PHKA1: variants seen among roughly 807,000 people sequenced by gnomAD.
The protein encoded by PHKA1 is phosphorylase b kinase regulatory subunit alpha, skeletal muscle isoform.
Under a neutral mutation model 110.2 loss-of-function variants are expected in PHKA1, and 60 were observed. That is an observed-to-expected ratio of 0.54 (90% CI 0.44 to 0.68). PHKA1 has a LOEUF of 0.68. Ranked by LOEUF, PHKA1 falls within the 30% of genes least tolerant of loss-of-function variation. PHKA1 has a pLI of 0.00. For synonymous variants in PHKA1, 316 were observed against 333.6 expected (o/e 0.95, Z 0.58); for missense variants, 801 against 942.5 (o/e 0.85, Z 1.97).
At position 72,666,380 on chromosome X, in the gene PHKA1, C is replaced by A. The variant is rs1447058795; in HGVS notation, c.718-83G>T. 1.7e-5 allele frequency: 14 copies of A among 820,236 alleles called. No individual in the cohort carries two copies. The African/African-American group carries it at 2.2e-4, about 13-fold the overall frequency. 67.6% of individuals were successfully genotyped at this position (820,236 alleles called of 1,213,427 possible). A position where few individuals can be genotyped will look rare whatever the true frequency, so the allele number is the denominator to read the frequency against. On this transcript the variant is annotated intron_variant, in intron 7 of 31. Transcript: ENST00000373542. ...AATATCTTATCAACACACATGATAT[C>A]ACTTTTGAATATGTTTGACAAAATA...
intron 13 of PHKA1, among the ~76,000 whole-genome samples, chrX:72,647,079 C>A (rs961539409): frequency 2.8e-4 from 31 of 108,794 alleles, no homozygotes; most frequent in Non-Finnish European, 4.6e-4. Context: ...TTGCAGTGAG[C>A]TGAGATTGCG....
intron 8 of PHKA1, 95 bp downstream of exon 8, chrX:72,666,056 A>G (rs782352235): frequency 2.2e-4 from 191 of 861,006 alleles, no homozygotes; most frequent in Non-Finnish European, 3.1e-4. Flanking sequence ...AGGTTTCTTG[A>G]AATCACAGAC....
At chrX:72,600,360 T>C (rs1319983508) in intron 28 of PHKA1, among the ~76,000 whole-genome samples, 4 of 111,489 alleles carry the variant, frequency 3.6e-5, no homozygotes, top group African/African-American at 1.3e-4. Flanking sequence ...TGTAAATATA[T>C]AATGAACTTA....
intron 14 of PHKA1, among the ~76,000 whole-genome samples, chrX:72,641,812 T>A (rs782378387): frequency 8.9e-6 from 1 of 111,833 alleles, no homozygotes; most frequent in South Asian, 3.7e-4. Context: ...GAATTTTGAA[T>A]AGTCACTCAT....
Position 72,646,387 on chromosome X carries a change from C to T in PHKA1, c.1325-1891G>A, listed in dbSNP as rs781807319. ...TATTTAGAAAATTCTTATTTAGTGC[C>T]TCTTATGTGCTAGGCACTGCCATAT... On this transcript the variant is annotated intron_variant, in intron 13 of 31. Coordinates refer to ENST00000373542, the MANE Select transcript of PHKA1 (RefSeq NM_002637.4). Among the ~76,000 whole-genome samples, 4 of 111,477 alleles carry T rather than the reference C, an allele frequency of 3.6e-5. No homozygotes were observed. In the South Asian group the frequency reaches 1.5e-3, roughly 43 times the overall value.
chrX:72,579,247 A>T lies in PHKA1; in HGVS notation c.*1755T>A, dbSNP rs1556196481. On this transcript the variant is annotated 3_prime_UTR_variant, in exon 32 of 32. Transcript: ENST00000373542. ...TTACTGTGTGTTTCCATTTGCTCTGAGAGAAGTGCTGAAAAGGTTTGCTGT... is the reference window on the plus strand; with the variant it reads ...TTACTGTGTGTTTCCATTTGCTCTGTGAGAAGTGCTGAAAAGGTTTGCTGT... 8.9e-6 allele frequency: 1 copy of T among 112,281 alleles called. No individual in the cohort carries two copies. Among genetic ancestry groups the T allele is most frequent in the Admixed American group, 9.4e-5 (1 of 10,622 alleles). The allele number at this position is 112,281 out of a possible 1,213,427, so 9.3% of individuals were successfully genotyped here.
At chrX:72,643,065 T>A (rs886448701) in intron 14 of PHKA1, among the ~76,000 whole-genome samples, 66 of 111,002 alleles carry the variant, frequency 5.9e-4, no homozygotes, top group African/African-American at 2.0e-3. Context: ...CAGACAAAAG[T>A]CAGCTCTGAC....
intron 7 of PHKA1, 144 bp from the exon 8 acceptor site, chrX:72,666,441 G>C: frequency 2.0e-6 from 1 of 506,704 alleles, no homozygotes; most frequent in Admixed American, 3.4e-5. Flanking sequence ...AAGTAGGTTA[G>C]TAAATACCTT....
chrX:72,585,290 A>C (rs1176740843), intron 29 of PHKA1, among the ~76,000 whole-genome samples: 4 of 111,631 alleles, frequency 3.6e-5, no homozygotes, highest in African/African-American at 1.3e-4. Context: ...ACAGCTATAA[A>C]ATTTTTTTAA....
intron 5 of PHKA1, among the ~76,000 whole-genome samples, chrX:72,680,026 T>G (rs2053827545): frequency 9.1e-6 from 1 of 110,407 alleles, no homozygotes; most frequent in African/African-American, 3.3e-5. Context: ...TTTTTTTTTT[T>G]TTGAGACAGA....
intron 26 of PHKA1, among the ~76,000 whole-genome samples, chrX:72,602,807 A>G (rs1039726197): frequency 2.7e-5 from 3 of 112,242 alleles, no homozygotes; most frequent in Admixed American, 9.5e-5. Context: ...TGCCAATTAG[A>G]ATACAAGAAA....
chrX:72,663,426 A>G (rs2053583408), intron 8 of PHKA1, among the ~76,000 whole-genome samples: 1 of 111,329 alleles, frequency 9.0e-6, no homozygotes, highest in South Asian at 3.7e-4. Flanking sequence ...TTAGAAAGAC[A>G]AGAGATGGGA....
intron 2 of PHKA1, among the ~76,000 whole-genome samples, chrX:72,710,825 ATTTTTTAT>A (rs1213872412): frequency 1.9e-5 from 1 of 53,716 alleles, no homozygotes; most frequent in Non-Finnish European, 3.8e-5. Context: ...TTTATTTTTT[ATTTTTTAT>A]TTTTTTATTT....
chrX:72,592,285 A>C (rs941745399), intron 29 of PHKA1, among the ~76,000 whole-genome samples: 1 of 112,627 alleles, frequency 8.9e-6, no homozygotes, highest in South Asian at 3.7e-4. Flanking sequence ...TACCTTTCCA[A>C]AAGATCACCT....
chrX:72,595,110 T>G (rs1556232196), intron 28 of PHKA1, among the ~76,000 whole-genome samples: 1 of 111,932 alleles, frequency 8.9e-6, no homozygotes, highest in African/African-American at 3.2e-5. Context: ...GTGGGACTGA[T>G]TCCAGAAATT....
At chrX:72,624,321 C>A (rs1293912233) in intron 17 of PHKA1, among the ~76,000 whole-genome samples, 1 of 111,617 alleles carries the variant, frequency 9.0e-6, no homozygotes, top group African/African-American at 3.3e-5. Flanking sequence ...AGTTCTACAC[C>A]TCCCTCAGTT....
At position 72,584,322 on chromosome X, in the gene PHKA1, C is replaced by A. The variant is rs1603249583; in HGVS notation, c.3244-20G>T. On this transcript the variant is annotated intron_variant, in intron 29 of 31. Coordinates refer to ENST00000373542, the MANE Select transcript of PHKA1 (RefSeq NM_002637.4). ...GTGACACTGCAAAACAGAAAAAAAA[C>A]CATATCACCAAAAACCATATCACCA... 1.7e-6 allele frequency: 2 copies of A among 1,190,021 alleles called. No individual in the cohort carries two copies. Among genetic ancestry groups the A allele is most frequent in the South Asian group, 3.6e-5 (2 of 56,209 alleles).
rs782099054 is a variant in PHKA1 at position 72,582,565 on chromosome X, C to T, written c.3331G>A (p.Val1111Met). Residue 1111 changes from valine to methionine, a missense_variant, in exon 31 of 32, where the codon GTG becomes ATG. Val to Met is a conservative substitution (Grantham distance 21). Transcript: ENST00000373542. The part of the protein sequence containing the change: ...TPGEIKFSVH[V>M]ESVLNRVPQP... ...GGTACACGATTCAGGACAGACTCCA[C>T]ATGAACAGAGAATTTAATCTCACCT... 1.0e-5 allele frequency: 12 copies of T among 1,199,614 alleles called. No homozygotes were observed. In the Admixed American group the frequency reaches 2.6e-4, roughly 26 times the overall value.
chrX:72,596,910 T>C (rs782496979), intron 28 of PHKA1, among the ~76,000 whole-genome samples: 20 of 112,403 alleles, frequency 1.8e-4, no homozygotes, highest in African/African-American at 2.6e-4. Context: ...TGGTATAGGA[T>C]GGACATATAG....
Sources: allele counts gnomAD v4.1 joint callset (sites outside exome capture counted in the v4.1 genomes callset), GRCh38; gene constraint gnomAD v4.1.1; transcripts MANE v1.5; gene names NCBI Gene and HGNC (gene_info 2026-07-23, HGNC 2026-07-21).